The following SPECC1L variants were observed in gnomAD, a reference collection of about 807,000 sequenced individuals.
SPECC1L encodes sperm antigen with calponin homology and coiled-coil domains 1 like, also known as cytospin-A.
SPECC1L carries 40 observed loss-of-function variants against 116.8 expected under a neutral mutation model. The ratio of observed to expected loss-of-function variants is 0.34; its 90% CI spans 0.27 to 0.45. SPECC1L has a LOEUF of 0.45. Ranked by LOEUF, SPECC1L falls within the 20% of genes least tolerant of loss-of-function variation. The pLI is 1.00. For synonymous variants in SPECC1L, 504 were observed against 500.6 expected, an observed-to-expected ratio of 1.01 and a Z score of -0.09; for missense variants, 1,110 against 1,373.6, an observed-to-expected ratio of 0.81 and a Z score of 3.03.
At chr22:24,397,219 C>T (rs769952069) in intron 14 of SPECC1L, among the ~76,000 whole-genome samples, 3 of 151,954 alleles carry the variant, frequency 2.0e-5, no homozygotes, top group Non-Finnish European at 2.9e-5. Context: ...ACGAATACAC[C>T]GACAGAGTGA....
chr22:24,345,107 T>C (rs926184913), intron 10 of SPECC1L, among the ~76,000 whole-genome samples: 1 of 152,158 alleles, frequency 6.6e-6, no homozygotes. Flanking sequence ...AGGACAAATT[T>C]GGAGGACTTG....
intron 14 of SPECC1L, among the ~76,000 whole-genome samples, chr22:24,391,387 T>C (rs1472505215): frequency 1.3e-5 from 2 of 152,210 alleles, no homozygotes; most frequent in Non-Finnish European, 2.9e-5. Flanking sequence ...TCCAGAAATT[T>C]CAGGGCTGTA....
chr22:24,364,527 G>A (rs2041712993), intron 12 of SPECC1L, among the ~76,000 whole-genome samples: 1 of 151,984 alleles, frequency 6.6e-6, no homozygotes, highest in African/African-American at 2.4e-5. Flanking sequence ...GCCTGGCATG[G>A]TGGCAGGCGC....
At chr22:24,383,621 C>A (rs1009920025) in intron 14 of SPECC1L, among the ~76,000 whole-genome samples, 2 of 151,794 alleles carry the variant, frequency 1.3e-5, no homozygotes, top group Non-Finnish European at 2.9e-5. Flanking sequence ...AAAATAGAAT[C>A]AAATCAAAAT....
chr22:24,412,107 C>A (rs2042709698), intron 15 of SPECC1L: 4 of 365,896 alleles, frequency 1.1e-5, no homozygotes, highest in Admixed American at 7.5e-5. Flanking sequence ...GCACTGTGGG[C>A]CTTAGAACTG....
At chr22:24,283,779 CTGTT>C (rs2048991060) in intron 2 of SPECC1L, among the ~76,000 whole-genome samples, 1 of 152,186 alleles carries the variant, frequency 6.6e-6, no homozygotes, top group South Asian at 2.1e-4. Context: ...TTATTTATCA[CTGTT>C]TGAGCTTCGA....
chr22:24,408,012 G>A (rs760607225), intron 14 of SPECC1L, among the ~76,000 whole-genome samples: 13 of 152,188 alleles, frequency 8.5e-5, no homozygotes, highest in Non-Finnish European at 1.6e-4. Context: ...TGTGGCCTGG[G>A]TGAGTGTCTT....
At chr22:24,342,589 C>G (rs1029366837) in intron 10 of SPECC1L, among the ~76,000 whole-genome samples, 4 of 150,552 alleles carry the variant, frequency 2.7e-5, no homozygotes, top group Non-Finnish European at 5.9e-5. Flanking sequence ...AGAAGAATCG[C>G]TTGAACCCAG....
intron 14 of SPECC1L, among the ~76,000 whole-genome samples, chr22:24,370,439 A>T (rs770653603): frequency 7.9e-5 from 12 of 152,266 alleles, no homozygotes; most frequent in Admixed American, 2.0e-4. Context: ...GTTGGCAAAG[A>T]TGTGGAGAAA....
In SPECC1L at chr22:24,363,346, T is replaced by G. The variant is rs764174299; in HGVS notation, c.2827+2T>G. 2 of 1,613,126 alleles carry G rather than the reference T, an allele frequency of 1.2e-6. No individual in the cohort carries two copies. The highest frequency in any genetic ancestry group is 8.5e-7 in the Non-Finnish European group (1 of 1,179,076). ...TGGAAAGTGCCAAGACCCTCTCAGG[T>G]GATGACTTTCATCTGAATTTTTGTT... On this transcript the variant is annotated splice_donor_variant, in intron 12 of 16. Transcript: ENST00000314328. LOFTEE classifies it high-confidence loss of function.
chr22:24,348,743 C>G (rs550592050), intron 11 of SPECC1L, among the ~76,000 whole-genome samples: 34 of 152,370 alleles, frequency 2.2e-4, no homozygotes, highest in African/African-American at 7.0e-4. Context: ...TTGCCATGGC[C>G]TGGCTGTTAA....
intron 3 of SPECC1L, among the ~76,000 whole-genome samples, chr22:24,309,303 T>A (rs886442030): frequency 6.6e-6 from 1 of 152,252 alleles, no homozygotes; most frequent in African/African-American, 2.4e-5. Context: ...ATACCTGGCT[T>A]CTACAGCCTA....
At chr22:24,287,831 T>G (rs1399648092) in intron 2 of SPECC1L, among the ~76,000 whole-genome samples, 1 of 152,138 alleles carries the variant, frequency 6.6e-6, no homozygotes, top group Non-Finnish European at 1.5e-5. Context: ...GGGGTTTAGT[T>G]TCTTTCCTTC....
At chr22:24,271,124 C>T (rs566930566) in intron 1 of SPECC1L, 141 bp downstream of exon 1, 202 of 152,786 alleles carry the variant, frequency 1.3e-3, no homozygotes, top group African/African-American at 4.7e-3. Flanking sequence ...CTGGGCCCCT[C>T]CAGTGTGTCC....
chr22:24,382,661 C>T (rs925418068), intron 14 of SPECC1L, among the ~76,000 whole-genome samples: 3 of 148,114 alleles, frequency 2.0e-5, no homozygotes, highest in Non-Finnish European at 3.0e-5. Flanking sequence ...GAGATCATGC[C>T]GCCACTGCAC....
chr22:24,310,403 A>G (rs1242299904), intron 3 of SPECC1L, among the ~76,000 whole-genome samples: 1 of 152,276 alleles, frequency 6.6e-6, no homozygotes, highest in African/African-American at 2.4e-5. Flanking sequence ...GAGAGAAGGT[A>G]AATACATGTG....
At chr22:24,282,101 G>A (rs1432729814) in intron 2 of SPECC1L, among the ~76,000 whole-genome samples, 1 of 152,200 alleles carries the variant, frequency 6.6e-6, no homozygotes, top group South Asian at 2.1e-4. Context: ...AGCTGAGTCC[G>A]TTCCTGGGTG....
At chr22:24,296,002 T>C (rs1437086236) in intron 2 of SPECC1L, among the ~76,000 whole-genome samples, 67 of 151,548 alleles carry the variant, frequency 4.4e-4, no homozygotes, top group African/African-American at 1.6e-3. Context: ...TAGACAAATC[T>C]AGAAGGGGCA....
chr22:24,407,581 G>C (rs1382376439), intron 14 of SPECC1L, among the ~76,000 whole-genome samples: 1 of 152,202 alleles, frequency 6.6e-6, no homozygotes, highest in Admixed American at 6.5e-5. Flanking sequence ...CTCCAGAAGT[G>C]AATGTGACCT....
Sources: gnomAD v4.1 joint callset for allele counts (sites outside exome capture counted in the v4.1 genomes callset) on GRCh38, gnomAD v4.1.1 for gene constraint, MANE v1.5 for transcripts, NCBI Gene and HGNC (gene_info 2026-07-23, HGNC 2026-07-21) for gene names.